SLCO5A1: variants seen among roughly 807,000 people sequenced by gnomAD.
SLCO5A1 encodes the protein solute carrier organic anion transporter family member 5A1, also known as organic anion transporter polypeptide-related protein 4.
SLCO5A1 carries 39 observed loss-of-function variants against 65.1 expected under a neutral mutation model. The ratio of observed to expected loss-of-function variants is 0.60; its 90% CI spans 0.46 to 0.78. The LOEUF (loss-of-function observed/expected upper bound fraction) is 0.78, where lower values mean the gene tolerates loss of function less well. Among genes scored for constraint, SLCO5A1 ranks in the 30% least tolerant of loss-of-function variants. The pLI is 0.00. For missense variants in SLCO5A1, 1,029 were observed against 1,069.4 expected, an observed-to-expected ratio of 0.96 and a Z score of 0.53; for synonymous variants, 438 against 415.7, an observed-to-expected ratio of 1.05 and a Z score of -0.65.
In SLCO5A1 at chr8:69,832,037, C is replaced by A. The variant is rs778560201; in HGVS notation, c.637G>T (p.Ala213Ser). ...LLIAFGAALF[A>S]LPHFISPPYQ... ...GGGGGCGAGATGAAGTGAGGTAAGG[C>A]GAAGAGGGCTGCCCCGAAGGCGATG... Residue 213 changes from alanine (A) to serine (S), a missense_variant, in exon 2 of 10, where the codon GCC (alanine) becomes TCC (serine). Physicochemically the swap from Ala to Ser is moderately conservative, Grantham distance 99 (BLOSUM62 1). Transcript: ENST00000260126. The surrounding 1 kb of genome is among the most constrained non-coding windows in gnomAD (Gnocchi z 4.5). The A allele has an allele frequency of 1.2e-6, 2 of 1,609,730 alleles. No individual in the cohort carries two copies. The highest frequency in any genetic ancestry group is 1.7e-6 in the Non-Finnish European group (2 of 1,178,364).
chr8:69,669,914 C>G lies in SLCO5A1; in HGVS notation c.*2955G>C, dbSNP rs757885673. On this transcript the variant is annotated 3_prime_UTR_variant, in exon 10 of 10. Coordinates refer to ENST00000260126, the MANE Select transcript of SLCO5A1 (RefSeq NM_030958.3). ...CTTGTCAAAATGCTCTACAAATCGT[C>G]AACACTCAACAAATGCTAATTTTTT... 1.2e-4 allele frequency: 18 copies of G among 152,098 alleles called. No individual in the cohort carries two copies. The highest frequency in any genetic ancestry group is 4.3e-4 in the African/African-American group (18 of 41,408). 9.4% of individuals were successfully genotyped at this position (152,098 alleles called of 1,614,324 possible).
Position 69,738,088 on chromosome 8 carries a change from T to C in SLCO5A1, c.1375A>G (p.Ile459Val). 2 of 1,613,856 alleles carry C rather than the reference T, an allele frequency of 1.2e-6. No individual in the cohort carries two copies. ...GCTGGGATACCAAACTGTGACTCGA[T>C]GAACTTGGGAATGAAGGTAATGAAA... ...TAFITFIPKFIESQFGIPASN... is the reference protein window; with the variant it reads ...TAFITFIPKFVESQFGIPASN... Residue 459 changes from isoleucine to valine, a missense_variant, in exon 5 of 10, where the codon ATC becomes GTC. Ile to Val is a conservative substitution (Grantham distance 29, BLOSUM62 3). Transcript: ENST00000260126.
intron 2 of SLCO5A1, among the ~76,000 whole-genome samples, chr8:69,791,996 T>G (rs988936602): frequency 9.2e-5 from 14 of 152,242 alleles, no homozygotes; most frequent in Admixed American, 4.6e-4. Context: ...GTATTTTTAT[T>G]CTAGCATCTA....
intron 2 of SLCO5A1, among the ~76,000 whole-genome samples, chr8:69,809,297 T>C (rs1388994244): frequency 6.6e-6 from 1 of 152,216 alleles, no homozygotes; most frequent in Non-Finnish European, 1.5e-5. Flanking sequence ...TTAATAAAAA[T>C]GCACAATAAT....
At chr8:69,782,857 C>T (rs1426138398) in intron 2 of SLCO5A1, among the ~76,000 whole-genome samples, 2 of 152,098 alleles carry the variant, frequency 1.3e-5, no homozygotes, top group Non-Finnish European at 2.9e-5. Context: ...ATTCAGTTTC[C>T]TCAGGGCAAT....
intron 5 of SLCO5A1, among the ~76,000 whole-genome samples, chr8:69,733,644 T>C (rs1252709873): frequency 1.3e-5 from 2 of 152,164 alleles, no homozygotes; most frequent in Non-Finnish European, 2.9e-5. Flanking sequence ...GGTTCCCCCA[T>C]GCTAGTCTCA....
rs1213743804 is a variant in SLCO5A1 at position 69,682,202 on chromosome 8, A to G, written c.1764T>C (p.Ser588=). ...FNPCLAGCVN[S]GNLSTGIRNY... ...TACTCACCCCAGTGCTAAGATTACC[A>G]CTATTAACACAGCCAGCCAGACAAG... is the stretch of plus-strand genomic sequence containing the variant. The change falls in exon 7 of 10, where the codon AGT becomes AGC. Residue 588 remains serine, a synonymous_variant. Transcript: ENST00000260126. 6.2e-7 allele frequency: 1 copy of G among 1,612,106 alleles called. No homozygotes were observed. Among genetic ancestry groups the G allele is most frequent in the Non-Finnish European group, 8.5e-7 (1 of 1,179,344 alleles).
chr8:69,668,521 G>A lies in SLCO5A1; in HGVS notation c.*4348C>T, dbSNP rs147181444. On this transcript the variant is annotated 3_prime_UTR_variant, in exon 10 of 10. Coordinates refer to ENST00000260126, the MANE Select transcript of SLCO5A1 (RefSeq NM_030958.3). ...TCTCTGATGTTTTAAGTACATACAC[G>A]ATCACAAAATATAATTGGCTACCAC... 5.9e-5 allele frequency: 9 copies of A among 152,246 alleles called. No individual in the cohort carries two copies. In the East Asian group the frequency reaches 1.7e-3, roughly 29 times the overall value. The allele number at this position is 152,246 out of a possible 1,614,324, so 9.4% of individuals were successfully genotyped here.
intron 6 of SLCO5A1, among the ~76,000 whole-genome samples, chr8:69,683,239 T>C (rs956664047): frequency 1.3e-5 from 2 of 152,190 alleles, no homozygotes; most frequent in African/African-American, 4.8e-5. Context: ...CCATGACCGC[T>C]TTTGCTTTTG....
chr8:69,798,366 C>A (rs1819588229), intron 2 of SLCO5A1, among the ~76,000 whole-genome samples: 1 of 152,140 alleles, frequency 6.6e-6, no homozygotes, highest in Admixed American at 6.5e-5. Context: ...CTTTAATTGG[C>A]TCATGGTTCT....
intron 2 of SLCO5A1, among the ~76,000 whole-genome samples, chr8:69,797,590 C>T (rs1356117865): frequency 6.6e-6 from 1 of 152,190 alleles, no homozygotes; most frequent in Non-Finnish European, 1.5e-5. Context: ...GAGAATACGT[C>T]CCTGAGGGCA....
chr8:69,696,622 T>C (rs1814508844), intron 6 of SLCO5A1, among the ~76,000 whole-genome samples: 1 of 152,192 alleles, frequency 6.6e-6, no homozygotes, highest in South Asian at 2.1e-4. Flanking sequence ...TTGAGAACTC[T>C]GAATAAAATC....
chr8:69,695,793 T>C (rs1192105343), intron 6 of SLCO5A1, among the ~76,000 whole-genome samples: 1 of 152,186 alleles, frequency 6.6e-6, no homozygotes, highest in Non-Finnish European at 1.5e-5. Context: ...AATACTGTGT[T>C]AGACAGATGA....
chr8:69,746,003 A>T (rs2380566), intron 4 of SLCO5A1, among the ~76,000 whole-genome samples: 146,457 of 152,324 alleles, frequency 0.96, 70,501 homozygotes, highest in East Asian at 1. Context: ...AAATGTGTCA[A>T]CCCTGAACGT....
intron 2 of SLCO5A1, among the ~76,000 whole-genome samples, chr8:69,810,785 A>T (rs1820176839): frequency 6.6e-6 from 1 of 152,226 alleles, no homozygotes; most frequent in African/African-American, 2.4e-5. Context: ...ATTAAAAGAA[A>T]TCTAAAATTT....
intron 2 of SLCO5A1, among the ~76,000 whole-genome samples, chr8:69,816,618 C>T (rs978542318): frequency 2.0e-5 from 3 of 152,200 alleles, no homozygotes. Flanking sequence ...TCCCCAGAAA[C>T]ACACAGTAGA....
At chr8:69,782,197 C>A (rs1056725815) in intron 2 of SLCO5A1, among the ~76,000 whole-genome samples, 1 of 151,884 alleles carries the variant, frequency 6.6e-6, no homozygotes, top group African/African-American at 2.4e-5. Context: ...CAAACCTGCA[C>A]ATTCTGCACA....
chr8:69,772,653 G>GGAAAGGAAAGGAAAGGAAAGGAAAA (rs1563715531), intron 2 of SLCO5A1, among the ~76,000 whole-genome samples: 1 of 145,982 alleles, frequency 6.9e-6, no homozygotes, highest in African/African-American at 2.5e-5. Flanking sequence ...GGAAAGGAAA[G>GGAAAGGAAAGGAAAGGAAAGGAAAA]GAAAAGAAAT....
intron 2 of SLCO5A1, among the ~76,000 whole-genome samples, chr8:69,815,120 T>C (rs1416338592): frequency 6.6e-6 from 1 of 152,176 alleles, no homozygotes; most frequent in Non-Finnish European, 1.5e-5. Context: ...TAGAGTGTGG[T>C]ACATTTCACA....
Sources: gnomAD v4.1 joint callset for allele counts (sites outside exome capture counted in the v4.1 genomes callset) on GRCh38, gnomAD v4.1.1 for gene constraint, Gnocchi (gnomAD v3.1) non-coding constraint, MANE v1.5 for transcripts, NCBI Gene and HGNC (gene_info 2026-07-23, HGNC 2026-07-21) for gene names.